Variants in TIAM1 observed in about 807,000 individuals in gnomAD.
TIAM1 encodes the protein rho guanine nucleotide exchange factor TIAM1.
A neutral mutation model predicts 163.5 loss-of-function variants in TIAM1; 65 were observed. The observed-to-expected ratio is 0.40, with a 90% CI of 0.33 to 0.49. The LOEUF is 0.49. TIAM1 is among the 20% of genes least tolerant of loss of function. The pLI, the probability that TIAM1 is intolerant of heterozygous loss-of-function variation, is 0.77. For missense variants in TIAM1, 1,789 were observed against 2,044.7 expected (o/e 0.87, Z 2.41); for synonymous variants, 833 against 810.1 (o/e 1.03, Z -0.48).
At chr21:31,427,191 G>T (rs576832908) in intron 2 of TIAM1, among the ~76,000 whole-genome samples, 10 of 152,296 alleles carry the variant, frequency 6.6e-5, no homozygotes, top group African/African-American at 2.4e-4. Flanking sequence ...ATGTCTTTAA[G>T]ATTAAAGGTC....
At chr21:31,513,995 G>A (rs575130419) in intron 1 of TIAM1, among the ~76,000 whole-genome samples, 2 of 152,006 alleles carry the variant, frequency 1.3e-5, no homozygotes, top group Non-Finnish European at 1.5e-5. Flanking sequence ...CAACAAGAGC[G>A]AAACTCCATC....
At chr21:31,464,220 G>A (rs1267767587) in intron 1 of TIAM1, among the ~76,000 whole-genome samples, 3 of 152,082 alleles carry the variant, frequency 2.0e-5, no homozygotes, top group African/African-American at 7.2e-5. Context: ...AGAAGCAGAG[G>A]AGCAGAACCA....
At chr21:31,368,757 CA>C (rs2076541439) in intron 2 of TIAM1, among the ~76,000 whole-genome samples, 1 of 152,082 alleles carries the variant, frequency 6.6e-6, no homozygotes, top group South Asian at 2.1e-4. Flanking sequence ...AGAGTAGCAG[CA>C]GGGGGAAATA....
chr21:31,325,523 C>T (rs1196235614), intron 2 of TIAM1, among the ~76,000 whole-genome samples: 1 of 151,862 alleles, frequency 6.6e-6, no homozygotes, highest in Non-Finnish European at 1.5e-5. Flanking sequence ...AAATAATTAG[C>T]CAGGTGTAGT....
At chr21:31,307,452 C>T (rs1251315296) in intron 2 of TIAM1, among the ~76,000 whole-genome samples, 1 of 152,140 alleles carries the variant, frequency 6.6e-6, no homozygotes, top group East Asian at 1.9e-4. Context: ...AACTAAGGAA[C>T]CAAATAGGAA....
chr21:31,489,619 C>A (rs1338661179), intron 1 of TIAM1, among the ~76,000 whole-genome samples: 1 of 151,926 alleles, frequency 6.6e-6, no homozygotes, highest in Non-Finnish European at 1.5e-5. Context: ...GTCTCTTGGA[C>A]CCATCATACC....
At chr21:31,364,288 T>C (rs764207505) in intron 2 of TIAM1, among the ~76,000 whole-genome samples, 1 of 152,198 alleles carries the variant, frequency 6.6e-6, no homozygotes, top group African/African-American at 2.4e-5. Context: ...TGGAGTAAAC[T>C]TGTTAACCAA....
At chr21:31,450,340 G>T (rs1458794467) in intron 2 of TIAM1, among the ~76,000 whole-genome samples, 1 of 152,158 alleles carries the variant, frequency 6.6e-6, no homozygotes, top group Non-Finnish European at 1.5e-5. Context: ...TTGACTTTCT[G>T]CAAGAAGCAG....
At chr21:31,494,209 C>T (rs1361125988) in intron 1 of TIAM1, among the ~76,000 whole-genome samples, 4 of 152,034 alleles carry the variant, frequency 2.6e-5, no homozygotes, top group African/African-American at 7.2e-5. Context: ...TCACTGTGCC[C>T]GGCCCATCTA....
At chr21:31,163,140 C>G (rs1057025649) in intron 16 of TIAM1, among the ~76,000 whole-genome samples, 2 of 152,166 alleles carry the variant, frequency 1.3e-5, no homozygotes. Context: ...GGATCCAATA[C>G]TTTTTAAGTG....
intron 1 of TIAM1, among the ~76,000 whole-genome samples, chr21:31,489,842 G>A (rs137896037): frequency 1.3e-5 from 2 of 152,274 alleles, no homozygotes; most frequent in Non-Finnish European, 2.9e-5. Flanking sequence ...GGCTGTTCAT[G>A]CCCATGCTCA....
chr21:31,192,330 A>T (rs900105983), intron 13 of TIAM1, among the ~76,000 whole-genome samples: 5 of 152,092 alleles, frequency 3.3e-5, no homozygotes, highest in African/African-American at 1.2e-4. Flanking sequence ...AAAGCTTAAT[A>T]ACCTGGGCCA....
At chr21:31,517,451 T>C (rs532235649) in intron 1 of TIAM1, among the ~76,000 whole-genome samples, 1 of 152,276 alleles carries the variant, frequency 6.6e-6, no homozygotes, top group African/African-American at 2.4e-5. Context: ...TGATTACTCA[T>C]TGTGGAAGAC....
intron 6 of TIAM1, among the ~76,000 whole-genome samples, chr21:31,228,522 G>T (rs1477534258): frequency 6.6e-6 from 1 of 152,042 alleles, no homozygotes; most frequent in Non-Finnish European, 1.5e-5. Flanking sequence ...GCAAATCATG[G>T]GTGAAACTGG....
At chr21:31,193,785 T>A (rs906865933) in intron 13 of TIAM1, among the ~76,000 whole-genome samples, 6 of 152,272 alleles carry the variant, frequency 3.9e-5, no homozygotes, top group Admixed American at 3.3e-4. Flanking sequence ...CTTACACCGG[T>A]GAGTGCCGGC....
chr21:31,157,798 G>A (rs1231675700), intron 16 of TIAM1, among the ~76,000 whole-genome samples: 2 of 152,262 alleles, frequency 1.3e-5, no homozygotes, highest in African/African-American at 2.4e-5. Flanking sequence ...TCACATAAAC[G>A]TTATGATGAA....
At chr21:31,213,376 G>T (rs982911180) in intron 10 of TIAM1, 22 bp downstream of exon 10, 18 of 1,601,012 alleles carry the variant, frequency 1.1e-5, no homozygotes, top group Non-Finnish European at 1.5e-5. Context: ...TTTTAGAAAA[G>T]AAAACACACG....
At chr21:31,138,822 T>TG (rs1355240639) in intron 22 of TIAM1, among the ~76,000 whole-genome samples, 3 of 152,190 alleles carry the variant, frequency 2.0e-5, no homozygotes, top group Non-Finnish European at 1.5e-5. Context: ...TGATTCCCAC[T>TG]GGGGGTCTAT....
intron 1 of TIAM1, among the ~76,000 whole-genome samples, chr21:31,511,316 C>G (rs929115553): frequency 4.6e-5 from 7 of 152,162 alleles, no homozygotes; most frequent in Admixed American, 3.9e-4. Context: ...ACATAGAAAG[C>G]CTCCGTCAAC....
Sources: allele counts gnomAD v4.1 joint callset (sites outside exome capture counted in the v4.1 genomes callset), GRCh38; gene constraint gnomAD v4.1.1; transcripts MANE v1.5; gene names NCBI Gene and HGNC (gene_info 2026-07-23, HGNC 2026-07-21).